The following FNDC3B variants were observed in gnomAD, a reference collection of about 807,000 sequenced individuals.
FNDC3B encodes fibronectin type III domain-containing protein 3B.
In FNDC3B, 12 loss-of-function variants were observed where a neutral mutation model predicts 151.5. The observed-to-expected ratio is 0.08, with a 90% CI of 0.05 to 0.13. The LOEUF (loss-of-function observed/expected upper bound fraction) is 0.13, where lower values mean the gene tolerates loss of function less well. Among genes scored for constraint, FNDC3B ranks in the 10% least tolerant of loss-of-function variants. The pLI is 1.00. For missense variants in FNDC3B, 1,214 were observed against 1,505.3 expected (o/e 0.81, Z 3.20); for synonymous variants, 528 against 549.0 (o/e 0.96, Z 0.54).
At chr3:172,272,582 G>A (rs1729250605) in intron 6 of FNDC3B, among the ~76,000 whole-genome samples, 1 of 152,042 alleles carries the variant, frequency 6.6e-6, no homozygotes, top group Admixed American at 6.5e-5. Context: ...CATGTTTTAG[G>A]GAATTTTTAG....
chr3:172,266,861 T>C (rs1728947502), intron 6 of FNDC3B, among the ~76,000 whole-genome samples: 1 of 152,192 alleles, frequency 6.6e-6, no homozygotes, highest in Non-Finnish European at 1.5e-5. Flanking sequence ...CCAAAGACTA[T>C]TCCTTGCAGG....
intron 5 of FNDC3B, among the ~76,000 whole-genome samples, chr3:172,249,484 A>C (rs1727952625): frequency 6.6e-6 from 1 of 152,210 alleles, no homozygotes; most frequent in Non-Finnish European, 1.5e-5. Context: ...GTAAAACAAA[A>C]TCCCTTCCCT....
intron 3 of FNDC3B, among the ~76,000 whole-genome samples, chr3:172,187,984 T>C (rs1724283700): frequency 7.6e-6 from 1 of 131,370 alleles, no homozygotes; most frequent in South Asian, 2.4e-4. Context: ...ATTCCATTTT[T>C]ATATTTAAGC....
Position 172,392,718 on chromosome 3 carries a change from C to T in FNDC3B, c.3304-4446C>T, listed in dbSNP as rs1736068599. ...AGGTGAGTTTGTTGGAAATTCACTT[C>T]TAGGGTATTTGTATTAATGGGTAGA... On this transcript the variant is annotated intron_variant, in intron 25 of 25. Transcript: ENST00000415807. Among the ~76,000 whole-genome samples the T allele has an allele frequency of 2.7e-5, 4 of 148,746 alleles. No individual in the cohort carries two copies. The South Asian group carries it at 8.5e-4, about 32-fold the overall frequency.
chr3:172,158,205 C>T (rs1160474822), intron 3 of FNDC3B, among the ~76,000 whole-genome samples: 3 of 152,148 alleles, frequency 2.0e-5, no homozygotes, highest in Admixed American at 2.0e-4. Context: ...AAGACAGTAC[C>T]CAAGAGTACA....
intron 10 of FNDC3B, 25 bp from the exon 11 acceptor site, chr3:172,310,803 A>C (rs1311150302): frequency 6.3e-7 from 1 of 1,577,070 alleles, no homozygotes; most frequent in Non-Finnish European, 8.7e-7. Context: ...AACTTTCTCT[A>C]ATCTCATGTT....
chr3:172,181,747 T>G (rs1206261144), intron 3 of FNDC3B, among the ~76,000 whole-genome samples: 1 of 145,184 alleles, frequency 6.9e-6, no homozygotes, highest in Non-Finnish European at 1.5e-5. Flanking sequence ...GAGAATTGCT[T>G]GAACCCAGGA....
At chr3:172,223,557 T>C (rs1178098818) in intron 3 of FNDC3B, among the ~76,000 whole-genome samples, 1 of 152,210 alleles carries the variant, frequency 6.6e-6, no homozygotes, top group Non-Finnish European at 1.5e-5. Flanking sequence ...TTAGGGGTCA[T>C]GCCTGGGGTT....
In FNDC3B at chr3:172,265,963, G is replaced by A. The variant is rs141946889; in HGVS notation, c.790+14422G>A. ...CAATAAGTTAAAAGAAAAAGATAGG[G>A]ATGAATTTTTTGACTAGGTAACTGC... On this transcript the variant is annotated intron_variant, in intron 6 of 25. Coordinates refer to ENST00000415807, the MANE Select transcript of FNDC3B (RefSeq NM_022763.4). Among the ~76,000 whole-genome samples, 676 of 152,294 alleles carry A rather than the reference G, an allele frequency of 4.4e-3. 6 individuals are homozygous for A. The highest frequency in any genetic ancestry group is 5.5e-3 in the Non-Finnish European group (376 of 68,022).
At chr3:172,060,494 C>T (rs1035918321) in intron 1 of FNDC3B, among the ~76,000 whole-genome samples, 2 of 152,096 alleles carry the variant, frequency 1.3e-5, no homozygotes, top group African/African-American at 2.4e-5. Context: ...CTTTAGAAGA[C>T]CTAGAAGATT....
chr3:172,243,488 A>G (rs1727605535), intron 4 of FNDC3B, among the ~76,000 whole-genome samples: 1 of 151,566 alleles, frequency 6.6e-6, no homozygotes, highest in Non-Finnish European at 1.5e-5. Flanking sequence ...AGGCAAAAAA[A>G]GAGGTTGTGC....
chr3:172,101,353 G>A (rs952844413), intron 1 of FNDC3B, among the ~76,000 whole-genome samples: 5 of 152,288 alleles, frequency 3.3e-5, no homozygotes, highest in Middle Eastern at 3.4e-3. Context: ...ATGCAGATTC[G>A]TTTTTAGTTA....
rs1449615434 is a variant in FNDC3B at position 172,193,174 on chromosome 3, C to T, written c.188-33697C>T. On this transcript the variant is annotated intron_variant, in intron 3 of 25. Transcript: ENST00000415807. Reference sequence around the variant, plus strand: ...TTCCTTCCCACCTTTCCCTCATTCCCGCCCTTCCTCTCCCTCCCTCCCTCC... The same window carrying T: ...TTCCTTCCCACCTTTCCCTCATTCCTGCCCTTCCTCTCCCTCCCTCCCTCC... 1.0e-4 allele frequency among the ~76,000 whole-genome samples: 8 copies of T among 77,748 alleles called. No individual in the cohort carries two copies. In the East Asian group the frequency reaches 1.5e-3, roughly 14 times the overall value. 51.0% of individuals were successfully genotyped at this position (77,748 alleles called of 152,430 possible). A position where few individuals can be genotyped will look rare whatever the true frequency, so the allele number is the denominator to read the frequency against.
At chr3:172,235,371 G>A (rs1219885583) in intron 4 of FNDC3B, among the ~76,000 whole-genome samples, 2 of 152,198 alleles carry the variant, frequency 1.3e-5, no homozygotes, top group Non-Finnish European at 2.9e-5. Context: ...TAATAAAGAT[G>A]TAATTTCTAA....
intron 22 of FNDC3B, among the ~76,000 whole-genome samples, chr3:172,358,899 A>G (rs1354277605): frequency 6.7e-6 from 1 of 149,498 alleles, no homozygotes; most frequent in Non-Finnish European, 1.5e-5. Flanking sequence ...ATTGATGAGC[A>G]GGATTCCCAA....
At chr3:172,366,265 T>C (rs1348420606) in intron 23 of FNDC3B, among the ~76,000 whole-genome samples, 2 of 152,230 alleles carry the variant, frequency 1.3e-5, no homozygotes, top group African/African-American at 4.8e-5. Context: ...AAAAATGTTT[T>C]TAACATTCTA....
chr3:172,272,938 A>T (rs1476177437), intron 6 of FNDC3B, among the ~76,000 whole-genome samples: 10 of 152,182 alleles, frequency 6.6e-5, no homozygotes, highest in Non-Finnish European at 1.0e-4. Flanking sequence ...ATAATTTCAC[A>T]ATCTGAGGTA....
intron 3 of FNDC3B, among the ~76,000 whole-genome samples, chr3:172,153,613 G>A (rs1336087511): frequency 6.6e-6 from 1 of 152,180 alleles, no homozygotes; most frequent in Non-Finnish European, 1.5e-5. Flanking sequence ...CAGGTTTCCT[G>A]GTAGATATAC....
rs928247792 is a variant in FNDC3B at position 172,285,783 on chromosome 3, G to A, written c.791-143G>A. ...GACACCTTCATTCCTGATTTTCCTG[G>A]TAACATTTGTAATATCAAAAATTCA... On this transcript the variant is annotated intron_variant, in intron 6 of 25. Coordinates refer to ENST00000415807, the MANE Select transcript of FNDC3B (RefSeq NM_022763.4). The A allele has an allele frequency of 7.7e-6, 5 of 652,992 alleles. No homozygotes were observed. In the African/African-American group the frequency reaches 9.3e-5, roughly 12 times the overall value. 40.4% of individuals were successfully genotyped at this position (652,992 alleles called of 1,614,324 possible).
Sources: gnomAD v4.1 joint callset for allele counts (sites outside exome capture counted in the v4.1 genomes callset) on GRCh38, gnomAD v4.1.1 for gene constraint, MANE v1.5 for transcripts, NCBI Gene and HGNC (gene_info 2026-07-23, HGNC 2026-07-21) for gene names.